The following CFAP221 variants were observed in gnomAD, a reference collection of about 807,000 sequenced individuals.
The protein encoded by CFAP221 is cilia- and flagella-associated protein 221.
A neutral mutation model predicts 113.1 loss-of-function variants in CFAP221; 97 were observed. The ratio of observed to expected loss-of-function variants is 0.86; its 90% CI spans 0.73 to 1.02. The LOEUF (loss-of-function observed/expected upper bound fraction) is 1.02, where lower values mean the gene tolerates loss of function less well. CFAP221 is among the 50% of genes least tolerant of loss of function. CFAP221 has a pLI of 0.00. For synonymous variants in CFAP221, 331 were observed against 354.4 expected (o/e 0.93, Z 0.74); for missense variants, 1,025 against 1,013.4 (o/e 1.01, Z -0.16).
chr2:119,546,023 GAA>G, intron 1 of CFAP221, 60 bp from the exon 2 acceptor site: 1 of 1,225,656 alleles, frequency 8.2e-7, no homozygotes, highest in Non-Finnish European at 1.1e-6. Flanking sequence ...ATTTATCAAA[GAA>G]AGAGAAAAAA....
chr2:119,587,551 T>C (rs1683308261), intron 7 of CFAP221, among the ~76,000 whole-genome samples: 1 of 152,230 alleles, frequency 6.6e-6, no homozygotes, highest in South Asian at 2.1e-4. Flanking sequence ...CTTCCAGAGC[T>C]TTCAGAATCT....
chr2:119,626,268 G>T lies in CFAP221; in HGVS notation c.1516+580G>T, dbSNP rs1686301679. On this transcript the variant is annotated intron_variant, in intron 15 of 23. Transcript: ENST00000413369. ...AATCCCCCATCACAGAGCCCCATCT[G>T]CAGAGTGCCTTTTACCATGGAAGAT... Among the ~76,000 whole-genome samples, 5 of 152,180 alleles carry T rather than the reference G, an allele frequency of 3.3e-5. No homozygotes were observed. The South Asian group carries it at 1.0e-3, about 32-fold the overall frequency.
In CFAP221 at chr2:119,549,113, G is replaced by A. The variant is rs980972926; in HGVS notation, c.168G>A (p.Lys56=). The A allele has an allele frequency of 3.3e-6, 5 of 1,533,426 alleles. No homozygotes were observed. Among genetic ancestry groups the A allele is most frequent in the East Asian group, 2.5e-5 (1 of 40,800 alleles). 95.0% of individuals were successfully genotyped at this position (1,533,426 alleles called of 1,614,324 possible). The change falls in exon 3 of 24, where the codon AAG becomes AAA. Residue 56 remains lysine (K), a synonymous_variant. Coordinates refer to ENST00000413369, the MANE Select transcript of CFAP221 (RefSeq NM_001271049.2). The part of the protein sequence containing the change: ...SKVYAKLVNN[K]VIQARPGIIH... The stretch of plus-strand genomic sequence containing the variant: ...TTTATGCAAAACTTGTGAATAATAA[G>A]GTCATACAGGCAAGACCTGGCATAA...
At chr2:119,565,303 C>T (rs1403990317) in intron 6 of CFAP221, among the ~76,000 whole-genome samples, 1 of 152,170 alleles carries the variant, frequency 6.6e-6, no homozygotes, top group Non-Finnish European at 1.5e-5. Context: ...ACAGATATTT[C>T]CTTTGAGTGG....
chr2:119,609,589 A>T (rs1685012119), intron 12 of CFAP221, among the ~76,000 whole-genome samples: 1 of 152,026 alleles, frequency 6.6e-6, no homozygotes, highest in East Asian at 1.9e-4. Flanking sequence ...CACCAGTCAT[A>T]TTGGATTAAG....
At chr2:119,602,456 G>A (rs528030167) in intron 8 of CFAP221, among the ~76,000 whole-genome samples, 7 of 152,166 alleles carry the variant, frequency 4.6e-5, no homozygotes, top group African/African-American at 1.7e-4. Context: ...AAAATGATAG[G>A]GAAATATCTT....
At chr2:119,548,958 C>T (rs543819840) in intron 2 of CFAP221, 127 bp from the exon 3 acceptor site, 2 of 562,326 alleles carry the variant, frequency 3.6e-6, no homozygotes, top group South Asian at 5.9e-5. Flanking sequence ...ACAGCTGGAT[C>T]CAATGTCTGC....
chr2:119,617,871 C>G (rs1365105267), intron 14 of CFAP221, among the ~76,000 whole-genome samples: 1 of 152,180 alleles, frequency 6.6e-6, no homozygotes, highest in Non-Finnish European at 1.5e-5. Flanking sequence ...ATTTCTCTGT[C>G]CTTTAAACAT....
intron 16 of CFAP221, 56 bp downstream of exon 16, chr2:119,627,842 C>A (rs1390643025): frequency 6.9e-6 from 11 of 1,600,340 alleles, no homozygotes; most frequent in Non-Finnish European, 8.5e-6. Flanking sequence ...TCGTGTTGGG[C>A]AGATACAAGG....
intron 19 of CFAP221, 49 bp downstream of exon 19, chr2:119,630,950 G>A (rs768567014): frequency 6.2e-7 from 1 of 1,600,910 alleles, no homozygotes; most frequent in South Asian, 1.1e-5. Flanking sequence ...CTTTATTTCA[G>A]CAATTACTCT....
intron 8 of CFAP221, among the ~76,000 whole-genome samples, chr2:119,602,311 G>A (rs1268081964): frequency 1.3e-5 from 2 of 152,108 alleles, no homozygotes; most frequent in Non-Finnish European, 2.9e-5. Flanking sequence ...GGAGGCAGAG[G>A]TTGCAGTGAG....
In CFAP221 at chr2:119,605,240, C is replaced by T; in HGVS notation, c.1084C>T (p.Gln362Ter). Residue 362 changes from glutamine (Q) to a stop codon, truncating the protein, a stop_gained, in exon 11 of 24, where the codon CAG becomes TAG. Transcript: ENST00000413369. LOFTEE classifies it high-confidence loss of function. ...TRQMKEALFE[Q>*]KVRQDIHEEM... The stretch of plus-strand genomic sequence containing the variant: ...ACAGATGAAGGAGGCACTCTTTGAA[C>T]AGAAAGTCAGACAGGACATTCACGA... 1 of 1,614,160 alleles carries T rather than the reference C, an allele frequency of 6.2e-7. No individual in the cohort carries two copies. The highest frequency in any genetic ancestry group is 8.5e-7 in the Non-Finnish European group (1 of 1,180,020).
At chr2:119,560,288 G>T (rs1438652923) in intron 5 of CFAP221, among the ~76,000 whole-genome samples, 1 of 152,186 alleles carries the variant, frequency 6.6e-6, no homozygotes, top group Non-Finnish European at 1.5e-5. Flanking sequence ...CCACTGCCCT[G>T]TGCCTAAAGC....
intron 16 of CFAP221, among the ~76,000 whole-genome samples, chr2:119,629,651 C>T (rs1477137305): frequency 6.6e-6 from 1 of 152,104 alleles, no homozygotes; most frequent in Non-Finnish European, 1.5e-5. Context: ...TTGCAGCCTC[C>T]GCAACCACAG....
chr2:119,548,474 G>A (rs765012099), intron 2 of CFAP221, among the ~76,000 whole-genome samples: 1 of 152,136 alleles, frequency 6.6e-6, no homozygotes, highest in Non-Finnish European at 1.5e-5. Flanking sequence ...ATAAAGAGCT[G>A]GGAAAATTTT....
chr2:119,589,237 T>C (rs998684792), intron 7 of CFAP221, among the ~76,000 whole-genome samples: 2 of 152,234 alleles, frequency 1.3e-5, no homozygotes, highest in African/African-American at 4.8e-5. Flanking sequence ...TTTGATGGTG[T>C]ATCAGTACAT....
chr2:119,563,937 CT>C (rs1362296186), intron 6 of CFAP221, among the ~76,000 whole-genome samples: 1 of 152,224 alleles, frequency 6.6e-6, no homozygotes, highest in Non-Finnish European at 1.5e-5. Flanking sequence ...TGGACTCCAT[CT>C]TGCAGGTGAT....
chr2:119,615,737 T>A (rs759209783), intron 14 of CFAP221, 28 bp downstream of exon 14: 3 of 1,541,088 alleles, frequency 1.9e-6, no homozygotes, highest in Non-Finnish European at 2.7e-6. Context: ...CTGGAAATGT[T>A]GATTTGTTTA....
At chr2:119,572,083 G>A (rs1035192727) in intron 6 of CFAP221, among the ~76,000 whole-genome samples, 1 of 152,216 alleles carries the variant, frequency 6.6e-6, no homozygotes, top group African/African-American at 2.4e-5. Flanking sequence ...GTATGTATTC[G>A]TCAGATGCAT....
Sources: allele counts gnomAD v4.1 joint callset (sites outside exome capture counted in the v4.1 genomes callset), GRCh38; gene constraint gnomAD v4.1.1; transcripts MANE v1.5; gene names NCBI Gene and HGNC (gene_info 2026-07-23, HGNC 2026-07-21).